PCSK2: variants seen among roughly 807,000 people sequenced by gnomAD.
The protein encoded by PCSK2 is neuroendocrine convertase 2.
PCSK2 carries 14 observed loss-of-function variants against 69.7 expected under a neutral mutation model. The ratio of observed to expected loss-of-function variants is 0.20; its 90% CI spans 0.13 to 0.31. The LOEUF (loss-of-function observed/expected upper bound fraction) is 0.31. Among genes scored for constraint, PCSK2 ranks in the 10% least tolerant of loss-of-function variants. PCSK2 has a pLI of 1.00. For missense variants in PCSK2, 544 were observed against 842.5 expected (o/e 0.65, Z 4.39); for synonymous variants, 307 against 320.7 (o/e 0.96, Z 0.46).
intron 9 of PCSK2, among the ~76,000 whole-genome samples, chr20:17,455,308 A>C (rs2032899171): frequency 6.6e-6 from 1 of 152,166 alleles, no homozygotes; most frequent in Admixed American, 6.5e-5. Flanking sequence ...AGGATCCTAC[A>C]GACAGAGGAA....
intron 11 of PCSK2, among the ~76,000 whole-genome samples, chr20:17,474,972 A>G (rs1052879612): frequency 2.0e-5 from 3 of 152,098 alleles, no homozygotes; most frequent in Non-Finnish European, 4.4e-5. Context: ...CTCCAGAGAC[A>G]GATAACACCT....
chr20:17,232,396 T>G (rs968563004), intron 1 of PCSK2, among the ~76,000 whole-genome samples: 1 of 152,244 alleles, frequency 6.6e-6, no homozygotes, highest in Admixed American at 6.5e-5. Flanking sequence ...TAGTGTCTCA[T>G]CGTGACTTTA....
At chr20:17,229,824 A>T (rs1278300918) in intron 1 of PCSK2, among the ~76,000 whole-genome samples, 2 of 152,182 alleles carry the variant, frequency 1.3e-5, no homozygotes, top group Non-Finnish European at 2.9e-5. Context: ...CTGATGCTAC[A>T]GACCACAGTG....
At chr20:17,270,252 C>T (rs76900351) in intron 2 of PCSK2, among the ~76,000 whole-genome samples, 8,692 of 152,084 alleles carry the variant, frequency 0.057, 306 homozygotes, top group Middle Eastern at 0.088. Context: ...ATTGGTTTAG[C>T]TATTTTTCCT....
Position 17,260,312 on chromosome 20 carries a change from C to T in PCSK2, c.250C>T (p.His84Tyr), listed in dbSNP as rs777254032. The T allele has an allele frequency of 6.5e-5, 105 of 1,613,430 alleles. No individual in the cohort carries two copies. Among genetic ancestry groups the T allele is most frequent in the Non-Finnish European group, 8.3e-5 (98 of 1,179,470 alleles). The change falls in exon 2 of 12, where the codon CAC becomes TAC. Residue 84 changes from histidine to tyrosine, a missense_variant. Transcript: ENST00000262545. ...LAKAKRRRSL[H>Y]HKQQLERDPR... is the part of the protein sequence containing the mutation. Reference sequence around the variant, plus strand: ...AAAGGCCAAGAGAAGACGCAGCCTACACCACAAGCAGCAGCTGGAGAGAGA... The same window carrying T: ...AAAGGCCAAGAGAAGACGCAGCCTATACCACAAGCAGCAGCTGGAGAGAGA...
intron 1 of PCSK2, among the ~76,000 whole-genome samples, chr20:17,251,065 A>G (rs1391264985): frequency 6.6e-6 from 1 of 152,108 alleles, no homozygotes. Flanking sequence ...GCACCACTGC[A>G]CTCCAGCCTG....
chr20:17,413,185 T>C (rs2031917531), intron 6 of PCSK2, among the ~76,000 whole-genome samples: 1 of 152,150 alleles, frequency 6.6e-6, no homozygotes, highest in Non-Finnish European at 1.5e-5. Context: ...ATAACAATAT[T>C]AACCTTAAAT....
chr20:17,399,485 A>C (rs1277838946), intron 5 of PCSK2, among the ~76,000 whole-genome samples: 1 of 152,216 alleles, frequency 6.6e-6, no homozygotes, highest in East Asian at 1.9e-4. Context: ...AGTAGAATTG[A>C]CAGTCAAAAT....
Position 17,285,737 on chromosome 20 carries a change from A to T in PCSK2, c.282+25393A>T, listed in dbSNP as rs116917763. Among the ~76,000 whole-genome samples the T allele has an allele frequency of 6.1e-3, 934 of 152,340 alleles. 5 individuals carry two copies. The highest frequency in any genetic ancestry group is 9.4e-3 in the Non-Finnish European group (639 of 68,032). On this transcript the variant is annotated intron_variant, in intron 2 of 11. Coordinates refer to ENST00000262545, the MANE Select transcript of PCSK2 (RefSeq NM_002594.5). ...TGGATGGGTTCTGGCCTTGGCAATC[A>T]TGAGCCACCATTACTGTTAAGGAAT...
At chr20:17,236,231 G>C (rs547666191) in intron 1 of PCSK2, among the ~76,000 whole-genome samples, 1 of 151,878 alleles carries the variant, frequency 6.6e-6, no homozygotes, top group Non-Finnish European at 1.5e-5. Flanking sequence ...TAACAGAAGA[G>C]AAAATCAAAA....
chr20:17,248,982 G>C (rs1180944553), intron 1 of PCSK2, among the ~76,000 whole-genome samples: 1 of 152,068 alleles, frequency 6.6e-6, no homozygotes, highest in African/African-American at 2.4e-5. Context: ...GAGCCACAGT[G>C]TCTTCTCTAA....
intron 2 of PCSK2, among the ~76,000 whole-genome samples, 197 bp from the exon 3 acceptor site, chr20:17,358,129 GA>G (rs2030266658): frequency 7.3e-6 from 1 of 137,870 alleles, no homozygotes; most frequent in South Asian, 2.2e-4. Context: ...AACATAGCGA[GA>G]CCCCCCCTAA....
intron 11 of PCSK2, among the ~76,000 whole-genome samples, chr20:17,479,672 G>A (rs1025040724): frequency 1.1e-4 from 17 of 151,918 alleles, no homozygotes; most frequent in Admixed American, 5.2e-4. Context: ...AGTGGAGGGC[G>A]CCTGTAGTCC....
chr20:17,355,843 A>T (rs60978334), intron 2 of PCSK2, among the ~76,000 whole-genome samples: 10,405 of 152,162 alleles, frequency 0.068, 377 homozygotes, highest in South Asian at 0.11. Flanking sequence ...TTTCTGGGAG[A>T]CACAGGGCTC....
At position 17,453,676 on chromosome 20, in the gene PCSK2, AG is replaced by A; in HGVS notation, c.886-65del. ...TGAAGAAGCCCAACCCCTGGGCTGG[AG>A]ACCTCCCCTGCCCCCTCGCAGCCCA... On this transcript the variant is annotated intron_variant, in intron 8 of 11. Coordinates refer to ENST00000262545, the MANE Select transcript of PCSK2 (RefSeq NM_002594.5). This position sits in a 1 kb window ranked among gnomAD's most constrained non-coding sequence, Gnocchi z 4.0. 18 of 1,576,646 alleles carry A rather than the reference AG, an allele frequency of 1.1e-5. No homozygotes were observed. Among genetic ancestry groups the A allele is most frequent in the Non-Finnish European group, 1.6e-5 (18 of 1,157,898 alleles).
At chr20:17,342,388 G>A (rs2224334) in intron 2 of PCSK2, among the ~76,000 whole-genome samples, 70,435 of 152,074 alleles carry the variant, frequency 0.46, 16,734 homozygotes, top group Admixed American at 0.54. Context: ...CGTAATCTCC[G>A]TGCACTGCAC....
chr20:17,353,912 C>T (rs2123201919), intron 2 of PCSK2, among the ~76,000 whole-genome samples: 1 of 152,240 alleles, frequency 6.6e-6, no homozygotes, highest in African/African-American at 2.4e-5. Flanking sequence ...AAGACAAATA[C>T]CAGGAGTCCT....
intron 2 of PCSK2, among the ~76,000 whole-genome samples, chr20:17,344,106 G>A (rs1191899825): frequency 1.3e-5 from 2 of 152,220 alleles, no homozygotes; most frequent in African/African-American, 2.4e-5. Context: ...TTGCAAAGTC[G>A]ATTCATTACT....
In PCSK2 at chr20:17,410,984, G is replaced by A. The variant is rs536942070; in HGVS notation, c.620+1645G>A. ...ATTAGTCTTTGATGGATTGATGTAA[G>A]CACAAAAATATAACCAATGGAAAGA... On this transcript the variant is annotated intron_variant, in intron 6 of 11. Coordinates refer to ENST00000262545, the MANE Select transcript of PCSK2 (RefSeq NM_002594.5). Among the ~76,000 whole-genome samples, 4 of 152,286 alleles carry A rather than the reference G, an allele frequency of 2.6e-5. No homozygotes were observed. The South Asian group carries it at 6.2e-4, about 24-fold the overall frequency.
Sources: allele counts gnomAD v4.1 joint callset (sites outside exome capture counted in the v4.1 genomes callset), GRCh38; gene constraint gnomAD v4.1.1; non-coding constraint Gnocchi (gnomAD v3.1); transcripts MANE v1.5; gene names NCBI Gene and HGNC (gene_info 2026-07-23, HGNC 2026-07-21).